The following TERB1 variants were observed in gnomAD, a reference collection of about 807,000 sequenced individuals.
TERB1 encodes telomere repeat binding bouquet formation protein 1, also known as telomere repeats-binding bouquet formation protein 1.
TERB1 carries 63 observed loss-of-function variants against 92.3 expected under a neutral mutation model. The observed-to-expected ratio is 0.68, with a 90% CI of 0.56 to 0.84. TERB1 has a LOEUF of 0.84. TERB1 is among the 40% of genes least tolerant of loss of function. The pLI, the probability that TERB1 is intolerant of heterozygous loss-of-function variation, is 0.00. For synonymous variants in TERB1, 252 were observed against 283.9 expected (o/e 0.89, Z 1.13); for missense variants, 709 against 843.7 (o/e 0.84, Z 1.98).
rs2018563424 is a variant in TERB1 at position 66,777,239 on chromosome 16, T to C, written c.949A>G (p.Ile317Val). ...GTGCAATGACCAAGAGTAAGCATGATGCTAAATTTTTCTCCTGAATCCAGA... is the reference window on the plus strand; with the variant it reads ...GTGCAATGACCAAGAGTAAGCATGACGCTAAATTTTTCTCCTGAATCCAGA... ...ESLDSGEKFS[I>V]MLTLGHCTED... is the part of the protein sequence containing the mutation. Residue 317 changes from isoleucine (I) to valine (V), a missense_variant, in exon 11 of 19, where the codon ATC becomes GTC. Ile to Val is a conservative substitution (Grantham distance 29). Transcript: ENST00000433154. The C allele has an allele frequency of 2.6e-6, 4 of 1,551,244 alleles. No individual in the cohort carries two copies. The highest frequency in any genetic ancestry group is 1.4e-5 in the African/African-American group (1 of 73,154).
At chr16:66,791,109 G>T in intron 3 of TERB1, 90 bp from the exon 4 acceptor site, 1 of 623,516 alleles carries the variant, frequency 1.6e-6, no homozygotes, top group Non-Finnish European at 2.6e-6. Flanking sequence ...CATATCTTTG[G>T]AATGGTCAAC....
rs57731987 is a variant in TERB1 at position 66,794,922 on chromosome 16, AACAC to A, written c.31+1842_31+1845del. Reference sequence around the variant, plus strand: ...GAGACTCCGTCTCAAAAAAAAAAAAAACACACACACACACACACACACACAATCA... The same window carrying A: ...GAGACTCCGTCTCAAAAAAAAAAAAAACACACACACACACACACACAATCA... On this transcript the variant is annotated intron_variant, in intron 3 of 18. Coordinates refer to ENST00000433154, the MANE Select transcript of TERB1 (RefSeq NM_001136505.2). Among the ~76,000 whole-genome samples, 50 of 146,244 alleles carry A rather than the reference AACAC, an allele frequency of 3.4e-4. No homozygotes were observed. In the East Asian group the frequency reaches 7.2e-3, roughly 21 times the overall value.
intron 16 of TERB1, among the ~76,000 whole-genome samples, chr16:66,766,780 C>T (rs1422314489): frequency 6.6e-6 from 1 of 152,022 alleles, no homozygotes; most frequent in African/African-American, 2.4e-5. Context: ...GGAAGCTCAG[C>T]CTGATGCTGA....
chr16:66,786,190 G>T, intron 7 of TERB1, 35 bp downstream of exon 7: 4 of 1,531,386 alleles, frequency 2.6e-6, no homozygotes, highest in Non-Finnish European at 3.5e-6. Flanking sequence ...CCTAAGTAAT[G>T]AATAATTAAC....
chr16:66,769,668 A>C (rs1298804370), intron 14 of TERB1, among the ~76,000 whole-genome samples: 1 of 152,196 alleles, frequency 6.6e-6, no homozygotes, highest in East Asian at 1.9e-4. Flanking sequence ...TTTTCTGAGT[A>C]TCCTTTCTAA....
intron 9 of TERB1, among the ~76,000 whole-genome samples, chr16:66,780,433 A>T (rs2018617137): frequency 6.6e-6 from 1 of 151,906 alleles, no homozygotes; most frequent in Non-Finnish European, 1.5e-5. Flanking sequence ...AGCCAGGCTC[A>T]GTGGTGTGTG....
At chr16:66,756,782 T>C (rs778653921) in intron 18 of TERB1, among the ~76,000 whole-genome samples, 4 of 152,156 alleles carry the variant, frequency 2.6e-5, no homozygotes, top group African/African-American at 9.7e-5. Context: ...TACAGCAGAG[T>C]ACTGAGCAGC....
Position 66,786,284 on chromosome 16 carries a change from C to A in TERB1, c.402G>T (p.Arg134Ser). Reference sequence around the variant, plus strand: ...TTTCTCTCACAAGTGTTTGTCCGGTCCCTTAAAAAAATAGCCATATAAAAA... The same window carrying A: ...TTTCTCTCACAAGTGTTTGTCCGGTACCTTAAAAAAATAGCCATATAAAAA... ...YVILVLVSNNRTGQTLVRETG... is the reference protein window; with the variant it reads ...YVILVLVSNNSTGQTLVRETG... Residue 134 changes from arginine to serine, a missense_variant and splice_region_variant, in exon 7 of 19, where the codon AGG becomes AGT. Physicochemically the swap from Arg to Ser is moderately radical, Grantham distance 110 (BLOSUM62 -1). Coordinates refer to ENST00000433154, the MANE Select transcript of TERB1 (RefSeq NM_001136505.2). 1 of 1,542,838 alleles carries A rather than the reference C, an allele frequency of 6.5e-7. No homozygotes were observed. The highest frequency in any genetic ancestry group is 1.2e-5 in the South Asian group (1 of 81,780).
At position 66,795,461 on chromosome 16, in the gene TERB1, C is replaced by T. The variant is rs928250607; in HGVS notation, c.31+1307G>A. On this transcript the variant is annotated intron_variant, in intron 3 of 18. Transcript: ENST00000433154. ...TTTTCCTATCTCATTTTCCCACTTT[C>T]CAGCTAGTGTTTCCTGGGATCACTT... Among the ~76,000 whole-genome samples the T allele has an allele frequency of 3.9e-5, 6 of 152,284 alleles. No individual in the cohort carries two copies. The East Asian group carries it at 1.2e-3, about 29-fold the overall frequency.
At chr16:66,786,948 A>G (rs1481022822) in intron 6 of TERB1, among the ~76,000 whole-genome samples, 3 of 152,038 alleles carry the variant, frequency 2.0e-5, no homozygotes. Context: ...ATTGATGCCC[A>G]CATTTCCCCT....
chr16:66,760,946 T>C (rs1004093538), intron 16 of TERB1, among the ~76,000 whole-genome samples: 1 of 143,760 alleles, frequency 7.0e-6, no homozygotes, highest in African/African-American at 2.6e-5. Context: ...ACCCCGTCTC[T>C]ACTAAAAATA....
intron 18 of TERB1, among the ~76,000 whole-genome samples, chr16:66,755,924 T>C (rs1271633244): frequency 6.6e-5 from 10 of 152,336 alleles, no homozygotes; most frequent in Non-Finnish European, 1.5e-4. Context: ...TAAGGGTCTT[T>C]TGAAATTTGC....
At chr16:66,783,530 G>A (rs1447474494) in intron 9 of TERB1, among the ~76,000 whole-genome samples, 4 of 152,208 alleles carry the variant, frequency 2.6e-5, no homozygotes, top group South Asian at 2.1e-4. Context: ...ACAGTTTCTC[G>A]TAATGTTGTT....
At chr16:66,787,044 A>G (rs1164647395) in intron 6 of TERB1, among the ~76,000 whole-genome samples, 1 of 152,166 alleles carries the variant, frequency 6.6e-6, no homozygotes, top group Non-Finnish European at 1.5e-5. Flanking sequence ...GGGGTTACAC[A>G]GCCTTGGCCT....
At chr16:66,761,465 A>AAAAAAAG (rs1555507527) in intron 16 of TERB1, among the ~76,000 whole-genome samples, 1 of 149,098 alleles carries the variant, frequency 6.7e-6, no homozygotes, top group African/African-American at 2.5e-5. Flanking sequence ...AAAAAAAAAA[A>AAAAAAAG]AAAGAAAGAA....
Position 66,757,837 on chromosome 16 carries a change from C to T in TERB1, c.1996+936G>A, listed in dbSNP as rs143538993. ...GATGTTATTTAAGTTTCTGATACAT[C>T]GGAAATGGTGATCAATGTGAAATGT... On this transcript the variant is annotated intron_variant, in intron 18 of 18. Transcript: ENST00000433154. Among the ~76,000 whole-genome samples, 421 of 152,194 alleles carry T rather than the reference C, an allele frequency of 2.8e-3. 3 individuals carry two copies. In the Middle Eastern group the frequency reaches 0.041, roughly 15 times the overall value.
In TERB1 at chr16:66,771,960, T is replaced by C. The variant is rs142556416; in HGVS notation, c.1272+629A>G. 6.9e-3 allele frequency among the ~76,000 whole-genome samples: 1,053 copies of C among 152,314 alleles called. 10 individuals carry two copies. The highest frequency in any genetic ancestry group is 0.011 in the Non-Finnish European group (723 of 68,032). On this transcript the variant is annotated intron_variant, in intron 13 of 18. Coordinates refer to ENST00000433154, the MANE Select transcript of TERB1 (RefSeq NM_001136505.2). ...AGAAGTTATTAGATTATTACTACTT[T>C]TCTCTTTCTTGAACCCCAATTATTC...
At chr16:66,800,505 C>T (rs1959245315) in intron 2 of TERB1, among the ~76,000 whole-genome samples, 2 of 148,642 alleles carry the variant, frequency 1.3e-5, no homozygotes, top group African/African-American at 2.5e-5. Flanking sequence ...ACTCTCCTGC[C>T]TCAGCCTCCC....
intron 18 of TERB1, 55 bp from the exon 19 acceptor site, chr16:66,755,218 G>C: frequency 9.4e-7 from 1 of 1,068,182 alleles, no homozygotes; most frequent in East Asian, 2.6e-5. Flanking sequence ...GTCCTGAGAT[G>C]CAAATAAGTG....
Sources: allele counts gnomAD v4.1 joint callset (sites outside exome capture counted in the v4.1 genomes callset), GRCh38; gene constraint gnomAD v4.1.1; transcripts MANE v1.5; gene names NCBI Gene and HGNC (gene_info 2026-07-23, HGNC 2026-07-21).